HS1BP3: variants seen among roughly 807,000 people sequenced by gnomAD.
HS1BP3 encodes HCLS1 binding protein 3.
HS1BP3 carries 32 observed loss-of-function variants against 33.5 expected under a neutral mutation model. The observed-to-expected ratio is 0.95, with a 90% CI of 0.72 to 1.28. HS1BP3 has a LOEUF of 1.28. Among genes scored for constraint, HS1BP3 ranks in the 50% most tolerant of loss-of-function variants. The pLI, the probability that HS1BP3 is intolerant of heterozygous loss-of-function variation, is 0.00. For missense variants in HS1BP3, 486 were observed against 502.3 expected, an observed-to-expected ratio of 0.97 and a Z score of 0.31; for synonymous variants, 187 against 209.2, an observed-to-expected ratio of 0.89 and a Z score of 0.92.
intron 5 of HS1BP3, among the ~76,000 whole-genome samples, chr2:20,576,812 T>C (rs1693411775): frequency 6.6e-6 from 1 of 152,230 alleles, no homozygotes; most frequent in Non-Finnish European, 1.5e-5. Flanking sequence ...GCTGAACTTA[T>C]CACCAGAGGG....
chr2:20,578,715 A>G (rs1049535590), intron 5 of HS1BP3, among the ~76,000 whole-genome samples: 19 of 152,200 alleles, frequency 1.2e-4, no homozygotes, highest in African/African-American at 4.3e-4. Context: ...AATCTCCTAC[A>G]TGCTCATGAC....
chr2:20,627,627 T>C (rs1694827560), intron 4 of HS1BP3, among the ~76,000 whole-genome samples: 1 of 152,184 alleles, frequency 6.6e-6, no homozygotes, highest in Admixed American at 6.5e-5. Context: ...TGTCCTGAAC[T>C]GAAATAAAGT....
chr2:20,630,030 G>A (rs13418909), intron 4 of HS1BP3, among the ~76,000 whole-genome samples: 7,208 of 152,308 alleles, frequency 0.047, 577 homozygotes, highest in African/African-American at 0.16. Context: ...AGCACCGGGT[G>A]TACATGCATG....
At chr2:20,619,308 C>A (rs754750919) in intron 6 of HS1BP3, 63 bp from the exon 7 acceptor site, 572 of 1,360,422 alleles carry the variant, frequency 4.2e-4, no homozygotes, top group Non-Finnish European at 5.2e-4. Context: ...GAACAAGACC[C>A]CAGGCAATGC....
chr2:20,643,332 A>T (rs1040039809), intron 2 of HS1BP3, among the ~76,000 whole-genome samples: 2 of 152,190 alleles, frequency 1.3e-5, no homozygotes, highest in Non-Finnish European at 2.9e-5. Flanking sequence ...GGGCGGCTGA[A>T]GCCCAAGCTT....
intron 4 of HS1BP3, among the ~76,000 whole-genome samples, chr2:20,631,450 A>C (rs1303874702): frequency 7.0e-6 from 1 of 143,172 alleles, no homozygotes; most frequent in Non-Finnish European, 1.5e-5. Flanking sequence ...GGGAGGTTGA[A>C]GCTGTAGTTA....
chr2:20,647,402 G>A (rs1379141157), intron 1 of HS1BP3, among the ~76,000 whole-genome samples: 2 of 152,176 alleles, frequency 1.3e-5, no homozygotes, highest in African/African-American at 4.8e-5. Context: ...GGACAGACAT[G>A]GTGTAAACAT....
intron 6 of HS1BP3, chr2:20,622,403 T>C (rs1191097872): frequency 9.0e-7 from 1 of 1,108,770 alleles, no homozygotes; most frequent in Admixed American, 2.3e-5. Context: ...GGACCCACAC[T>C]TTTTGAGCAG....
downstream of HS1BP3, among the ~76,000 whole-genome samples, chr2:20,615,643 A>G (rs537080624): frequency 6.6e-6 from 1 of 152,288 alleles, no homozygotes; most frequent in East Asian, 1.9e-4. Flanking sequence ...GTTTCCCAGG[A>G]TTGGCTCAGC....
intron 5 of HS1BP3, among the ~76,000 whole-genome samples, chr2:20,561,041 C>T (rs537277530): frequency 6.6e-6 from 1 of 152,342 alleles, no homozygotes; most frequent in South Asian, 2.1e-4. Flanking sequence ...CCCCAGCTGG[C>T]ATCCCAGGTC....
intron 2 of HS1BP3, among the ~76,000 whole-genome samples, chr2:20,612,229 T>G (rs1694332045): frequency 6.6e-6 from 1 of 152,234 alleles, no homozygotes; most frequent in Non-Finnish European, 1.5e-5. Flanking sequence ...AGCCAGGAGT[T>G]GGCTCACATT....
rs1694521113 is a variant in HS1BP3, at chr2:20,619,287, C to T, written c.921-42G>A. 4 of 1,492,328 alleles carry T rather than the reference C, an allele frequency of 2.7e-6. No homozygotes were observed. In the African/African-American group the frequency reaches 4.2e-5, roughly 16 times the overall value. The allele number at this position is 1,492,328 out of a possible 1,614,324, so 92.4% of individuals were successfully genotyped here. On this transcript the variant is annotated intron_variant, in intron 6 of 6. Coordinates refer to ENST00000304031, the MANE Select transcript of HS1BP3 (RefSeq NM_022460.4). ...AGGAACCCTGAGCATAACACTGCCA[C>T]CCCGTGACAGGAACAAGACCCCAGG... is the stretch of plus-strand genomic sequence containing the variant.
downstream of HS1BP3, among the ~76,000 whole-genome samples, chr2:20,556,429 C>G (rs1225394328): frequency 5.3e-5 from 8 of 151,966 alleles, no homozygotes; most frequent in Non-Finnish European, 8.8e-5. Context: ...TATGTTCTGA[C>G]TTATTTTACA....
chr2:20,600,857 AT>A (rs1165968236), intron 2 of HS1BP3, among the ~76,000 whole-genome samples: 2 of 152,000 alleles, frequency 1.3e-5, no homozygotes, highest in Non-Finnish European at 2.9e-5. Flanking sequence ...GTATTTCAAA[AT>A]TTTTTTATTA....
At chr2:20,571,338 T>G (rs1693267678) in intron 5 of HS1BP3, among the ~76,000 whole-genome samples, 1 of 151,984 alleles carries the variant, frequency 6.6e-6, no homozygotes. Flanking sequence ...CAGAGGCCCC[T>G]CCCTCACAGC....
At chr2:20,597,672 A>C (rs1693973752) in intron 3 of HS1BP3, among the ~76,000 whole-genome samples, 1 of 152,136 alleles carries the variant, frequency 6.6e-6, no homozygotes, top group Admixed American at 6.5e-5. Context: ...AAAAAAAAAA[A>C]ATTCTTGCTG....
At chr2:20,555,991 A>G (rs2149267561), downstream of HS1BP3, among the ~76,000 whole-genome samples, 1 of 152,332 alleles carries the variant, frequency 6.6e-6, no homozygotes, top group South Asian at 2.1e-4. Context: ...GTGTGAAGGT[A>G]AAAGTGCTGT....
chr2:20,646,700 C>T (rs574006464), intron 1 of HS1BP3, among the ~76,000 whole-genome samples: 5 of 152,384 alleles, frequency 3.3e-5, no homozygotes, highest in East Asian at 3.9e-4. Flanking sequence ...CCTCTGCCAA[C>T]GGCACCGAGT....
At chr2:20,595,709 A>C (rs1693927659) in intron 3 of HS1BP3, among the ~76,000 whole-genome samples, 1 of 152,242 alleles carries the variant, frequency 6.6e-6, no homozygotes, top group South Asian at 2.1e-4. Flanking sequence ...AAATGAGACC[A>C]CAGACAACTA....
Sources: gnomAD v4.1 joint callset for allele counts (sites outside exome capture counted in the v4.1 genomes callset) on GRCh38, gnomAD v4.1.1 for gene constraint, MANE v1.5 for transcripts, NCBI Gene and HGNC (gene_info 2026-07-23, HGNC 2026-07-21) for gene names.